Variants in ADGRV1 observed in about 807,000 individuals in gnomAD.
The protein encoded by ADGRV1 is G-protein coupled receptor 98.
ADGRV1 carries 359 observed loss-of-function variants against 596.2 expected under a neutral mutation model. The ratio of observed to expected loss-of-function variants is 0.60; its 90% CI spans 0.55 to 0.66. The LOEUF (loss-of-function observed/expected upper bound fraction) is 0.66. Ranked by LOEUF, ADGRV1 falls within the 30% of genes least tolerant of loss-of-function variation. ADGRV1 has a pLI of 0.00. For missense variants in ADGRV1, 7,274 were observed against 7,575.6 expected (o/e 0.96, Z 1.48); for synonymous variants, 2,681 against 2,679.2 (o/e 1.00, Z -0.02).
rs1755893328 is a variant in ADGRV1 at position 90,756,960 on chromosome 5, T to G, written c.11758-19T>G. 5 of 1,547,818 alleles carry G rather than the reference T, an allele frequency of 3.2e-6. No individual in the cohort carries two copies. The highest frequency in any genetic ancestry group is 4.4e-6 in the Non-Finnish European group (5 of 1,145,566). ...GTTACCATTTTATCTTGCCTTTCAA[T>G]TATATTCTTTACTTAAAGGGCGCTG... On this transcript the variant is annotated intron_variant, in intron 56 of 89. Coordinates refer to ENST00000405460, the MANE Select transcript of ADGRV1 (RefSeq NM_032119.4).
chr5:90,805,293 G>A lies in ADGRV1; in HGVS notation c.14671G>A (p.Glu4891Lys). The change falls in exon 72 of 90, where the codon GAA becomes AAA. Residue 4891 changes from glutamate (E) to lysine (K), a missense_variant. Physicochemically the swap from Glu to Lys is moderately conservative, Grantham distance 56. Around this residue, in one of 5 missense-constraint regions of ADGRV1, gnomAD observed 1,874 missense variants for 1,970.2 expected, o/e 0.95. Transcript: ENST00000405460. ...EKAANSQVGF[E>K]STAFQLMNIT... is the part of the protein sequence containing the mutation. ...CATGATTTTCCCTCAGGTCGGATTT[G>A]AATCCACTGCTTTTCAACTCATGAA... is the stretch of plus-strand genomic sequence containing the variant. The A allele has an allele frequency of 6.2e-7, 1 of 1,610,096 alleles. No homozygotes were observed. The highest frequency in any genetic ancestry group is 1.7e-5 in the Admixed American group (1 of 59,960).
At chr5:90,953,353 C>T (rs190730177) in intron 83 of ADGRV1, among the ~76,000 whole-genome samples, 4 of 152,246 alleles carry the variant, frequency 2.6e-5, no homozygotes, top group Non-Finnish European at 1.5e-5. Context: ...CACAGAAAGC[C>T]TACCACACTG....
chr5:91,039,582 A>G (rs1785170570), intron 85 of ADGRV1, among the ~76,000 whole-genome samples: 1 of 152,210 alleles, frequency 6.6e-6, no homozygotes, highest in Non-Finnish European at 1.5e-5. Flanking sequence ...TTTATCCCAG[A>G]ACATGGGGAA....
chr5:90,902,123 G>A (rs1033646279), intron 83 of ADGRV1, among the ~76,000 whole-genome samples: 1 of 152,102 alleles, frequency 6.6e-6, no homozygotes, highest in African/African-American at 2.4e-5. Context: ...GGAAAAGAAA[G>A]GAGTCAAGGA....
chr5:90,942,522 G>C (rs947511842), intron 83 of ADGRV1, among the ~76,000 whole-genome samples: 2 of 152,088 alleles, frequency 1.3e-5, no homozygotes, highest in African/African-American at 4.8e-5. Flanking sequence ...ATACAGTGGG[G>C]TCAGGTTAAA....
At position 90,684,075 on chromosome 5, in the gene ADGRV1, A is replaced by T. The variant is rs1466249181; in HGVS notation, c.6154A>T (p.Asn2052Tyr). The change falls in exon 28 of 90, where the codon AAT (asparagine) becomes TAT (tyrosine). Residue 2052 changes from asparagine to tyrosine, a missense_variant. Transcript: ENST00000405460. ...PASGFALFGA[N>Y]QSEATIAISI... ...TTCTGGATTTGCTCTTTTTGGAGCT[A>T]ATCAGAGTGAGGCAACAATAGCTAT... 5 of 1,613,878 alleles carry T rather than the reference A, an allele frequency of 3.1e-6. No individual in the cohort carries two copies. Among genetic ancestry groups the T allele is most frequent in the South Asian group, 1.1e-5 (1 of 91,086 alleles).
At chr5:90,975,186 A>G (rs1779447056) in intron 84 of ADGRV1, among the ~76,000 whole-genome samples, 2 of 151,866 alleles carry the variant, frequency 1.3e-5, no homozygotes, top group Middle Eastern at 3.4e-3. Context: ...GTGATCATTA[A>G]GAAGTCAGGA....
chr5:91,016,417 A>G (rs1189613811), intron 85 of ADGRV1, among the ~76,000 whole-genome samples: 1 of 151,946 alleles, frequency 6.6e-6, no homozygotes, highest in Admixed American at 6.6e-5. Context: ...ATTACTTGTG[A>G]CCCAGGTCAT....
chr5:90,741,643 A>G (rs1753975452), intron 50 of ADGRV1, among the ~76,000 whole-genome samples: 1 of 152,190 alleles, frequency 6.6e-6, no homozygotes, highest in Non-Finnish European at 1.5e-5. Context: ...TAAAAAATAT[A>G]TAATAGGCAT....
At chr5:90,688,182 TG>T (rs1207266721) in intron 29 of ADGRV1, among the ~76,000 whole-genome samples, 1 of 152,140 alleles carries the variant, frequency 6.6e-6, no homozygotes, top group Non-Finnish European at 1.5e-5. Context: ...AGCATGGTAC[TG>T]GTACCAAAAC....
intron 83 of ADGRV1, among the ~76,000 whole-genome samples, chr5:90,963,503 C>T (rs1162149104): frequency 3.3e-5 from 5 of 151,618 alleles, no homozygotes; most frequent in Non-Finnish European, 7.4e-5. Context: ...TCATTTGTAT[C>T]AGATTGTCAG....
Position 90,790,812 on chromosome 5 carries a change from G to A in ADGRV1, c.14044-61G>A, listed in dbSNP as rs917721550. 3.3e-5 allele frequency: 36 copies of A among 1,080,880 alleles called. No individual in the cohort carries two copies. In the African/African-American group the frequency reaches 4.6e-4, roughly 14 times the overall value. 67.0% of individuals were successfully genotyped at this position (1,080,880 alleles called of 1,614,324 possible). On this transcript the variant is annotated intron_variant, in intron 69 of 89. Transcript: ENST00000405460. Reference sequence around the variant, plus strand: ...TATTATAGAGAAAAACATAATTTAAGGGAATTTGGTGCAATATACTGAATT... The same window carrying A: ...TATTATAGAGAAAAACATAATTTAAAGGAATTTGGTGCAATATACTGAATT...
At chr5:90,686,050 A>T (rs1745588124) in intron 29 of ADGRV1, 55 bp downstream of exon 29, 21 of 1,123,602 alleles carry the variant, frequency 1.9e-5, no homozygotes, top group Non-Finnish European at 2.5e-5. Flanking sequence ...GCACAGAGGG[A>T]CATGTATCCT....
chr5:90,661,231 T>G (rs1364505781), intron 21 of ADGRV1, among the ~76,000 whole-genome samples: 1 of 152,232 alleles, frequency 6.6e-6, no homozygotes, highest in East Asian at 1.9e-4. Flanking sequence ...AATTATAAAT[T>G]AATGAAGTTG....
rs1272339133 is a variant in ADGRV1, at chr5:90,976,355, T to C, written c.17974-8989T>C. Among the ~76,000 whole-genome samples the C allele has an allele frequency of 2.0e-5, 3 of 146,928 alleles. No homozygotes were observed. In the East Asian group the frequency reaches 5.9e-4, roughly 29 times the overall value. On this transcript the variant is annotated intron_variant, in intron 84 of 89. Transcript: ENST00000405460. ...ATATATATATATATATATATGTATA[T>C]GTATATATGGACATCTTTAAGTTTA... is the stretch of plus-strand genomic sequence containing the variant.
At chr5:90,943,459 C>T (rs570378974) in intron 83 of ADGRV1, among the ~76,000 whole-genome samples, 29 of 152,116 alleles carry the variant, frequency 1.9e-4, no homozygotes, top group Non-Finnish European at 3.7e-4. Context: ...CCTGCATAAT[C>T]TCTCTCTTCA....
chr5:90,718,725 A>AT (rs1750493141), intron 43 of ADGRV1, among the ~76,000 whole-genome samples: 1 of 151,802 alleles, frequency 6.6e-6, no homozygotes, highest in African/African-American at 2.4e-5. Flanking sequence ...AATTTGAAAT[A>AT]TTTTATTAAT....
chr5:90,913,278 A>G (rs1194399215), intron 83 of ADGRV1, among the ~76,000 whole-genome samples: 1 of 152,212 alleles, frequency 6.6e-6, no homozygotes, highest in African/African-American at 2.4e-5. Flanking sequence ...TTCCCATAGC[A>G]GCAATTACAC....
At position 90,681,428 on chromosome 5, in the gene ADGRV1, G is replaced by A. The variant is rs1229998374; in HGVS notation, c.5638G>A (p.Asp1880Asn). Residue 1880 changes from aspartate (D) to asparagine (N), a missense_variant, in exon 27 of 90, where the codon GAT (aspartate) becomes AAT (asparagine). Physicochemically the swap from Asp to Asn is conservative, Grantham distance 23. Around this residue, in one of 5 missense-constraint regions of ADGRV1, gnomAD observed 3,643 missense variants for 3,809.2 expected, o/e 0.96. Transcript: ENST00000405460. ...CTTTGTCAGTGGAACTGAACCAGAA[G>A]ATGGGTATAGCACTGTTACATTAAA... ...SLFVSGTEPE[D>N]GYSTVTLNVI... 2 of 1,613,814 alleles carry A rather than the reference G, an allele frequency of 1.2e-6. No homozygotes were observed. The highest frequency in any genetic ancestry group is 3.3e-5 in the Admixed American group (2 of 60,002).
Sources: allele counts gnomAD v4.1 joint callset (sites outside exome capture counted in the v4.1 genomes callset), GRCh38; gene constraint gnomAD v4.1.1; regional missense constraint gnomAD v4.1.1; transcripts MANE v1.5; gene names NCBI Gene and HGNC (gene_info 2026-07-23, HGNC 2026-07-21).